Variants in OR10A6 observed in about 807,000 individuals in gnomAD.
OR10A6 encodes olfactory receptor 10A6.
OR10A6 carries 2 observed loss-of-function variants against 1.5 expected under a neutral mutation model. The ratio of observed to expected loss-of-function variants is 1.31; its 90% CI spans 0.54 to 4.13. The LOEUF is 4.13. Among genes scored for constraint, OR10A6 ranks in the 30% most tolerant of loss-of-function variants. OR10A6 has a pLI of 0.07. For synonymous variants in OR10A6, 169 were observed against 137.3 expected (o/e 1.23, Z -1.61); for missense variants, 492 against 368.6 (o/e 1.33, Z -2.74).
rs1554906034 is a variant in OR10A6 at position 7,929,723 on chromosome 11, C to CATATATATATATATATAT, written c.-1079_-1062dup. On this transcript the variant is annotated 5_prime_UTR_variant, in exon 4 of 4. It adds an upstream start codon to the 5' untranslated region. Coordinates refer to ENST00000641238, the MANE Select transcript of OR10A6 (RefSeq NM_001004461.2). ...CTTTCTCTCTCTCTTTCTATGTGTACATATATATATATATATATATATATA... is the reference window on the plus strand; with the variant it reads ...CTTTCTCTCTCTCTTTCTATGTGTACATATATATATATATATATATATATATATATATATATATATATA... 40 of 29,282 alleles carry CATATATATATATATATAT rather than the reference C, an allele frequency of 1.4e-3. No homozygotes were observed. The highest frequency in any genetic ancestry group is 8.2e-3 in the East Asian group (3 of 364). The allele number at this position is 29,282 out of a possible 1,614,324, so 1.8% of individuals were successfully genotyped here.
Position 7,928,501 on chromosome 11 carries a change from G to A in OR10A6, c.162C>T (p.Ser54=), listed in dbSNP as rs1281031899. ...IIIVIVSLDQ[S]LHVPMYLFLL... ...GAAACAGGTACATGGGAACGTGGAG[G>A]CTCTGGTCTAGGGAGACGATGACTA... is the stretch of plus-strand genomic sequence containing the variant. Residue 54 remains serine (S), a synonymous_variant, in exon 4 of 4, where the codon AGC becomes AGT. Coordinates refer to ENST00000641238, the MANE Select transcript of OR10A6 (RefSeq NM_001004461.2). The A allele has an allele frequency of 6.2e-7, 1 of 1,613,742 alleles. No individual in the cohort carries two copies. The highest frequency in any genetic ancestry group is 8.5e-7 in the Non-Finnish European group (1 of 1,179,860).
At position 7,928,298 on chromosome 11, in the gene OR10A6, C is replaced by T. The variant is rs149310161; in HGVS notation, c.365G>A (p.Arg122Gln). Reference sequence around the variant, plus strand: ...GAGAGGATGGCAAATTGCAGCAAATCGGTCATAAGCCATTGCTCCCAGAAG... The same window carrying T: ...GAGAGGATGGCAAATTGCAGCAAATTGGTCATAAGCCATTGCTCCCAGAAG... ...CFLLGAMAYD[R>Q]FAAICHPLNY... Residue 122 changes from arginine to glutamine, a missense_variant, in exon 4 of 4, where the codon CGA becomes CAA. Physicochemically the swap from Arg to Gln is conservative, Grantham distance 43. Transcript: ENST00000641238. The T allele has an allele frequency of 2.5e-6, 4 of 1,613,624 alleles. No individual in the cohort carries two copies. Among genetic ancestry groups the T allele is most frequent in the African/African-American group, 1.3e-5 (1 of 74,878 alleles).
In OR10A6 at chr11:7,928,464, A is replaced by G. The variant is rs1173679538; in HGVS notation, c.199T>C (p.Ser67Pro). ...VPMYLFLLNL[S>P]VVDLSFSAVI... ...GCACTGAAACTCAGGTCCACCACAG[A>G]TAAGTTCAGGAGAAACAGGTACATG... The change falls in exon 4 of 4, where the codon TCT becomes CCT. Residue 67 changes from serine to proline, a missense_variant. Coordinates refer to ENST00000641238, the MANE Select transcript of OR10A6 (RefSeq NM_001004461.2). 4.3e-6 allele frequency: 7 copies of G among 1,613,914 alleles called. No individual in the cohort carries two copies. Among genetic ancestry groups the G allele is most frequent in the East Asian group, 2.2e-5 (1 of 44,876 alleles).
In OR10A6 at chr11:7,928,648, A is replaced by G. The variant is rs559968682; in HGVS notation, c.15T>C (p.Asn5=). 1.1e-5 allele frequency: 18 copies of G among 1,600,242 alleles called. No individual in the cohort carries two copies. In the South Asian group the frequency reaches 1.9e-4, roughly 17 times the overall value. ...GGATGAATTCAACCACACAGCTTTG[A>G]TTTTGTCTTTCCATTTTCAGTAATG... MERQ[N]QSCVVEFILL... Residue 5 remains asparagine, a synonymous_variant, in exon 4 of 4, where the codon AAT becomes AAC. Transcript: ENST00000641238.
chr11:7,930,705 A>G (rs1397650982), intron 3 of OR10A6, 156 bp downstream of exon 3: 1 of 151,952 alleles, frequency 6.6e-6, no homozygotes, highest in East Asian at 1.9e-4. Context: ...TTCTAATGGC[A>G]AAAAAAAGAA....
At position 7,929,444 on chromosome 11, in the gene OR10A6, C is replaced by T. The variant is rs374948452; in HGVS notation, c.-782G>A. 6.6e-6 allele frequency: 1 copy of T among 151,798 alleles called. No individual in the cohort carries two copies. The highest frequency in any genetic ancestry group is 2.4e-5 in the African/African-American group (1 of 41,328). The allele number at this position is 151,798 out of a possible 1,614,324, so 9.4% of individuals were successfully genotyped here. ...GATCATTGTGTAATTTAAAAGATTTCACTCTCTCTCTCCTTTTCTCTCTTC... is the reference window on the plus strand; with the variant it reads ...GATCATTGTGTAATTTAAAAGATTTTACTCTCTCTCTCCTTTTCTCTCTTC... On this transcript the variant is annotated 5_prime_UTR_variant, in exon 4 of 4. Transcript: ENST00000641238.
chr11:7,929,751 T>TAC lies in OR10A6; in HGVS notation c.-1090_-1089insGT, dbSNP rs1169880845. On this transcript the variant is annotated 5_prime_UTR_variant, in exon 4 of 4. It adds an upstream start codon to the 5' untranslated region. Transcript: ENST00000641238. ...ATATATATATATATATATATATATA[T>TAC]ATATACACACACATGCACACATATA... 2 of 121,572 alleles carry TAC rather than the reference T, an allele frequency of 1.6e-5. No individual in the cohort carries two copies. Among genetic ancestry groups the TAC allele is most frequent in the Non-Finnish European group, 3.5e-5 (2 of 57,116 alleles). 7.5% of individuals were successfully genotyped at this position (121,572 alleles called of 1,614,324 possible).
rs1332241714 is a variant in OR10A6, at chr11:7,928,655, C to G, written c.8G>C (p.Arg3Thr). Residue 3 changes from arginine to threonine, a missense_variant, in exon 4 of 4, where the codon AGA (arginine) becomes ACA (threonine). Coordinates refer to ENST00000641238, the MANE Select transcript of OR10A6 (RefSeq NM_001004461.2). ...TTCAACCACACAGCTTTGATTTTGT[C>G]TTTCCATTTTCAGTAATGAAGTCGT... Reference protein sequence around the residue: MERQNQSCVVEFI... With the variant: METQNQSCVVEFI... The G allele has an allele frequency of 2.5e-6, 4 of 1,597,244 alleles. No homozygotes were observed. Among genetic ancestry groups the G allele is most frequent in the Admixed American group, 1.8e-5 (1 of 56,020 alleles).
Position 7,925,604 on chromosome 11 carries a change from A to T in OR10A6, c.*2114T>A, listed in dbSNP as rs543243293. On this transcript the variant is annotated 3_prime_UTR_variant, in exon 4 of 4. Transcript: ENST00000641238. ...TTTAAGAAAAAAATTGGTTTACAGA[A>T]TCAATGAACAAAATGAACTAAAGAA... The T allele has an allele frequency of 7.9e-5, 12 of 152,358 alleles. No homozygotes were observed. Among genetic ancestry groups the T allele is most frequent in the Admixed American group, 7.2e-4 (11 of 15,300 alleles). The allele number at this position is 152,358 out of a possible 1,614,324, so 9.4% of individuals were successfully genotyped here.
rs545020529 is a variant in OR10A6 at position 7,925,169 on chromosome 11, A to C, written c.*2549T>G. 1 of 152,340 alleles carries C rather than the reference A, an allele frequency of 6.6e-6. No individual in the cohort carries two copies. Among genetic ancestry groups the C allele is most frequent in the Admixed American group, 6.5e-5 (1 of 15,298 alleles). 9.4% of individuals were successfully genotyped at this position (152,340 alleles called of 1,614,324 possible). A position where few individuals can be genotyped will look rare whatever the true frequency, so the allele number is the denominator to read the frequency against. Reference sequence around the variant, plus strand: ...TGACTATAACTAAAAATCACCATGAAGAATAGTATGCAGAAATGATATGAT... The same window carrying C: ...TGACTATAACTAAAAATCACCATGACGAATAGTATGCAGAAATGATATGAT... On this transcript the variant is annotated 3_prime_UTR_variant, in exon 4 of 4. Transcript: ENST00000641238.
rs907246694 is a variant in OR10A6, at chr11:7,927,484, C to T, written c.*234G>A. ...AAAATAACCATCAGTAGGGCTACTA[C>T]TAAACAAATTGTTGAAATTGTGTTA... On this transcript the variant is annotated 3_prime_UTR_variant, in exon 4 of 4. Transcript: ENST00000641238. 2.4e-6 allele frequency: 1 copy of T among 417,864 alleles called. No individual in the cohort carries two copies. The highest frequency in any genetic ancestry group is 4.0e-5 in the Admixed American group (1 of 24,920). The allele number at this position is 417,864 out of a possible 1,614,324, so 25.9% of individuals were successfully genotyped here.
At position 7,926,028 on chromosome 11, in the gene OR10A6, A is replaced by G. The variant is rs1266592073; in HGVS notation, c.*1690T>C. The G allele has an allele frequency of 6.6e-6, 1 of 152,154 alleles. No homozygotes were observed. The highest frequency in any genetic ancestry group is 1.5e-5 in the Non-Finnish European group (1 of 68,030). The allele number at this position is 152,154 out of a possible 1,614,324, so 9.4% of individuals were successfully genotyped here. On this transcript the variant is annotated 3_prime_UTR_variant, in exon 4 of 4. Transcript: ENST00000641238. ...GTTCCCCGCTCTTCACCTATTTTAC[A>G]TATACCTACCCTTTCCTAATTGGTT...
Position 7,927,669 on chromosome 11 carries a change from T to TTAAATTTAGA in OR10A6, c.*48_*49insTCTAAATTTA. 8.3e-7 allele frequency: 1 copy of TTAAATTTAGA among 1,209,782 alleles called. No homozygotes were observed. Among genetic ancestry groups the TTAAATTTAGA allele is most frequent in the Non-Finnish European group, 1.2e-6 (1 of 854,190 alleles). The allele number at this position is 1,209,782 out of a possible 1,614,324, so 74.9% of individuals were successfully genotyped here. A position where few individuals can be genotyped will look rare whatever the true frequency, so the allele number is the denominator to read the frequency against. On this transcript the variant is annotated 3_prime_UTR_variant, in exon 4 of 4. Transcript: ENST00000641238. ...TGAATCTAAATTTATTAAATTTAGATTGAATACAGTCATGCAGTGACTAAA... is the reference window on the plus strand; with the variant it reads ...TGAATCTAAATTTATTAAATTTAGATTAAATTTAGATGAATACAGTCATGCAGTGACTAAA...
Position 7,927,607 on chromosome 11 carries a change from A to G in OR10A6, c.*111T>C. 1 of 669,442 alleles carries G rather than the reference A, an allele frequency of 1.5e-6. No individual in the cohort carries two copies. The highest frequency in any genetic ancestry group is 2.7e-5 in the East Asian group (1 of 36,666). The allele number at this position is 669,442 out of a possible 1,614,324, so 41.5% of individuals were successfully genotyped here. Reference sequence around the variant, plus strand: ...TACAATCAAACTTGGAGAACACAATAAATTAGTCATACTCATGCCAAAAAA... The same window carrying G: ...TACAATCAAACTTGGAGAACACAATGAATTAGTCATACTCATGCCAAAAAA... On this transcript the variant is annotated 3_prime_UTR_variant, in exon 4 of 4. Coordinates refer to ENST00000641238, the MANE Select transcript of OR10A6 (RefSeq NM_001004461.2).
At position 7,929,692 on chromosome 11, in the gene OR10A6, C is replaced by A. The variant is rs1223686112; in HGVS notation, c.-1030G>T. On this transcript the variant is annotated 5_prime_UTR_variant, in exon 4 of 4. Coordinates refer to ENST00000641238, the MANE Select transcript of OR10A6 (RefSeq NM_001004461.2). ...CCCGTACCGCATACCCCAGGACTTTCTCTTTCTTTCTCTCTCTCTTTCTAT... is the reference window on the plus strand; with the variant it reads ...CCCGTACCGCATACCCCAGGACTTTATCTTTCTTTCTCTCTCTCTTTCTAT... 7.3e-6 allele frequency: 1 copy of A among 137,504 alleles called. No homozygotes were observed. The highest frequency in any genetic ancestry group is 1.6e-5 in the Non-Finnish European group (1 of 64,056). The allele number at this position is 137,504 out of a possible 1,614,324, so 8.5% of individuals were successfully genotyped here.
chr11:7,929,373 G>T lies in OR10A6; in HGVS notation c.-711C>A, dbSNP rs1243762880. 6.6e-6 allele frequency: 1 copy of T among 152,002 alleles called. No homozygotes were observed. Among genetic ancestry groups the T allele is most frequent in the Non-Finnish European group, 1.5e-5 (1 of 67,990 alleles). 9.4% of individuals were successfully genotyped at this position (152,002 alleles called of 1,614,324 possible). ...AAGTTTTTGGGGCCAGATCTCCAAGGTCTATCCTTCTGACCATGATGACTT... is the reference window on the plus strand; with the variant it reads ...AAGTTTTTGGGGCCAGATCTCCAAGTTCTATCCTTCTGACCATGATGACTT... On this transcript the variant is annotated 5_prime_UTR_variant, in exon 4 of 4. Transcript: ENST00000641238.
At position 7,928,160 on chromosome 11, in the gene OR10A6, A is replaced by G. The variant is rs111488559; in HGVS notation, c.503T>C (p.Phe168Ser). ...VQTSWVSSFP[F>S]CGLNEINHIS... is the part of the protein sequence containing the mutation. The stretch of plus-strand genomic sequence containing the variant: ...ATGGTTAATTTCATTAAGGCCACAA[A>G]AGGGAAAACTAGATACCCATGATGT... The change falls in exon 4 of 4, where the codon TTT (phenylalanine) becomes TCT (serine). Residue 168 changes from phenylalanine (F) to serine (S), a missense_variant. Physicochemically the swap from Phe to Ser is radical, Grantham distance 155. Transcript: ENST00000641238. 0.04 allele frequency: 64,821 copies of G among 1,613,704 alleles called. 1,577 individuals are homozygous for G. Among genetic ancestry groups the G allele is most frequent in the Admixed American group, 0.072 (4,330 of 59,904 alleles).
At position 7,928,246 on chromosome 11, in the gene OR10A6, T is replaced by C; in HGVS notation, c.417A>G (p.Gly139=). The change falls in exon 4 of 4, where the codon GGA becomes GGG. Residue 139 remains glycine, a synonymous_variant. Coordinates refer to ENST00000641238, the MANE Select transcript of OR10A6 (RefSeq NM_001004461.2). ...PLNYQMIMNK[G]VFMKLIIFSW... ...AAAATATAATTAATTTCATAAAAAC[T>C]CCTTTATTCATAATCATTTGGTAGT... 6.2e-7 allele frequency: 1 copy of C among 1,612,630 alleles called. No individual in the cohort carries two copies. Among genetic ancestry groups the C allele is most frequent in the South Asian group, 1.1e-5 (1 of 90,852 alleles).
rs371923784 is a variant in OR10A6, at chr11:7,925,509, T to C, written c.*2209A>G. The stretch of plus-strand genomic sequence containing the variant: ...CCAGCATCTAATGACCAGTACACTG[T>C]AAATCCTTCAAGAGCAGAGACTATT... On this transcript the variant is annotated 3_prime_UTR_variant, in exon 4 of 4. Transcript: ENST00000641238. The C allele has an allele frequency of 2.6e-5, 4 of 152,188 alleles. No homozygotes were observed. The highest frequency in any genetic ancestry group is 1.9e-4 in the East Asian group (1 of 5,196). 9.4% of individuals were successfully genotyped at this position (152,188 alleles called of 1,614,324 possible).
Sources: gnomAD v4.1 joint callset for allele counts on GRCh38, gnomAD v4.1.1 for gene constraint, MANE v1.5 for transcripts, NCBI Gene and HGNC (gene_info 2026-07-23, HGNC 2026-07-21) for gene names.